Variants in RARB observed in about 807,000 individuals in gnomAD.
The protein encoded by RARB is HBV-activated protein.
RARB carries 17 observed loss-of-function variants against 51.9 expected under a neutral mutation model. The observed-to-expected ratio is 0.33, with a 90% CI of 0.22 to 0.49. The LOEUF (loss-of-function observed/expected upper bound fraction) is 0.49, where lower values mean the gene tolerates loss of function less well. RARB is among the 20% of genes least tolerant of loss of function. RARB has a pLI of 0.99. For missense variants in RARB, 369 were observed against 550.8 expected (o/e 0.67, Z 3.30); for synonymous variants, 215 against 195.4 (o/e 1.10, Z -0.84).
intron 2 of RARB, among the ~76,000 whole-genome samples, chr3:24,917,330 T>TA (rs1285969606): frequency 6.6e-6 from 1 of 152,092 alleles, no homozygotes; most frequent in South Asian, 2.1e-4. Flanking sequence ...TGACTAAACT[T>TA]AAAAAATGTA....
At chr3:25,211,997 A>G (rs1397262556) in intron 5 of RARB, among the ~76,000 whole-genome samples, 1 of 152,150 alleles carries the variant, frequency 6.6e-6, no homozygotes, top group East Asian at 1.9e-4. Flanking sequence ...AGGAAAAGAG[A>G]TATATTTTAC....
chr3:25,424,456 C>T (rs750168408), upstream of RARB, among the ~76,000 whole-genome samples: 1 of 152,252 alleles, frequency 6.6e-6, no homozygotes, highest in Non-Finnish European at 1.5e-5. Context: ...GCCAACATCT[C>T]TGCCTTGGCT....
chr3:25,300,048 A>G (rs1010708182), intron 5 of RARB, among the ~76,000 whole-genome samples: 1 of 152,204 alleles, frequency 6.6e-6, no homozygotes, highest in African/African-American at 2.4e-5. Flanking sequence ...TCATTTAAGC[A>G]TAGTCTTCGT....
intron 5 of RARB, among the ~76,000 whole-genome samples, chr3:25,384,201 G>A (rs981466350): frequency 2.6e-5 from 4 of 152,020 alleles, no homozygotes; most frequent in African/African-American, 9.7e-5. Context: ...GTAGAGCCCC[G>A]CCCCATTACT....
intron 5 of RARB, among the ~76,000 whole-genome samples, chr3:25,252,063 T>G (rs552651069): frequency 6.6e-6 from 1 of 152,330 alleles, no homozygotes; most frequent in African/African-American, 2.4e-5. Context: ...CTAATCTTAC[T>G]CTTTTACATG....
chr3:24,922,241 G>A (rs1242690854), intron 2 of RARB, among the ~76,000 whole-genome samples: 1 of 152,176 alleles, frequency 6.6e-6, no homozygotes, highest in African/African-American at 2.4e-5. Context: ...AAAAATGGTT[G>A]AATGAGGTAA....
intron 5 of RARB, among the ~76,000 whole-genome samples, chr3:25,338,019 C>T (rs891569654): frequency 5.3e-5 from 8 of 151,376 alleles, no homozygotes; most frequent in East Asian, 3.9e-4. Context: ...ATATCTTTCA[C>T]TGAACCACAG....
intron 2 of RARB, among the ~76,000 whole-genome samples, chr3:25,048,997 C>T (rs1698273998): frequency 6.6e-6 from 1 of 152,144 alleles, no homozygotes; most frequent in African/African-American, 2.4e-5. Context: ...TGTGATCCAC[C>T]TGCCTCGGCC....
At chr3:25,285,545 C>G (rs984909922) in intron 5 of RARB, among the ~76,000 whole-genome samples, 1 of 152,090 alleles carries the variant, frequency 6.6e-6, no homozygotes, top group Non-Finnish European at 1.5e-5. Context: ...TTGAATTGAA[C>G]CTGACAGACC....
intron 2 of RARB, among the ~76,000 whole-genome samples, chr3:24,884,164 C>G (rs1703228798): frequency 6.6e-6 from 1 of 152,096 alleles, no homozygotes; most frequent in Non-Finnish European, 1.5e-5. Context: ...TAGCAGGTGT[C>G]CATAAAAGTG....
At chr3:25,198,484 A>G (rs1181360903) in intron 5 of RARB, among the ~76,000 whole-genome samples, 4 of 152,126 alleles carry the variant, frequency 2.6e-5, no homozygotes, top group Non-Finnish European at 4.4e-5. Context: ...TGAAGAGACA[A>G]CCCACAGAAT....
chr3:24,889,505 A>G (rs1703334623), intron 2 of RARB, among the ~76,000 whole-genome samples: 1 of 152,166 alleles, frequency 6.6e-6, no homozygotes, highest in Non-Finnish European at 1.5e-5. Flanking sequence ...TTCCAAAGAA[A>G]TTTTTACATT....
chr3:25,167,098 T>C (rs1700572787), intron 4 of RARB, among the ~76,000 whole-genome samples: 1 of 152,216 alleles, frequency 6.6e-6, no homozygotes, highest in Non-Finnish European at 1.5e-5. Context: ...ATCTGTGGTC[T>C]TGAGTGAACC....
chr3:24,905,884 T>C (rs942588214), intron 2 of RARB, among the ~76,000 whole-genome samples: 1 of 152,230 alleles, frequency 6.6e-6, no homozygotes, highest in African/African-American at 2.4e-5. Context: ...TATTTTACCA[T>C]GATTATATTT....
At chr3:25,361,915 C>T (rs531288315) in intron 5 of RARB, among the ~76,000 whole-genome samples, 32 of 152,260 alleles carry the variant, frequency 2.1e-4, no homozygotes, top group African/African-American at 6.7e-4. Flanking sequence ...AGGTATCTGT[C>T]GACCCCTGCT....
chr3:24,916,352 G>A (rs1695105812), intron 2 of RARB, among the ~76,000 whole-genome samples: 1 of 152,176 alleles, frequency 6.6e-6, no homozygotes, highest in African/African-American at 2.4e-5. Flanking sequence ...CATCAGGAGA[G>A]TAAGATTAAC....
rs550524916 is a variant in RARB at position 25,016,824 on chromosome 3, C to G, written c.-379-43301C>G. Among the ~76,000 whole-genome samples, 107 of 152,210 alleles carry G rather than the reference C, an allele frequency of 7.0e-4. 1 individual carries two copies. The highest frequency in any genetic ancestry group is 2.5e-3 in the African/African-American group (102 of 41,542). On this transcript the variant is annotated intron_variant, in intron 2 of 11. Coordinates refer to the RARB transcript ENST00000383772. ...CCTATCCTGTGCCCTCTCCACTCTT[C>G]TTGATAACACTTACAAGAACAAACA...
chr3:25,574,697 G>T (rs1475877782), intron 4 of RARB, among the ~76,000 whole-genome samples: 2 of 152,194 alleles, frequency 1.3e-5, no homozygotes, highest in African/African-American at 4.8e-5. Context: ...CCCTTAACCT[G>T]CTCAGAAAAA....
In RARB at chr3:25,303,182, C is replaced by T. The variant is rs556765563; in HGVS notation, c.178+128607C>T. On this transcript the variant is annotated intron_variant, in intron 5 of 11. Coordinates refer to the RARB transcript ENST00000383772. ...CCAGCCCCAAAGCCTATATTATATT[C>T]TGAAGAACTTTGGGAGGTATTATTG... Among the ~76,000 whole-genome samples the T allele has an allele frequency of 2.5e-4, 38 of 152,268 alleles. No homozygotes were observed. In the South Asian group the frequency reaches 7.7e-3, roughly 31 times the overall value.
Sources: gnomAD v4.1 joint callset for allele counts (sites outside exome capture counted in the v4.1 genomes callset) on GRCh38, gnomAD v4.1.1 for gene constraint, MANE v1.5 for transcripts, NCBI Gene and HGNC (gene_info 2026-07-23, HGNC 2026-07-21) for gene names.